The following MEMO1 variants were observed in gnomAD, a reference collection of about 807,000 sequenced individuals.
MEMO1 encodes the protein mediator of cell motility 1.
Under a neutral mutation model 45.2 loss-of-function variants are expected in MEMO1, and 6 were observed. The observed-to-expected ratio is 0.13, with a 90% CI of 0.07 to 0.26. MEMO1 has a LOEUF of 0.26. Ranked by LOEUF, MEMO1 falls within the 10% of genes least tolerant of loss-of-function variation. MEMO1 has a pLI of 1.00. For synonymous variants in MEMO1, 78 were observed against 124.3 expected, an observed-to-expected ratio of 0.63 and a Z score of 2.48; for missense variants, 184 against 370.5, an observed-to-expected ratio of 0.50 and a Z score of 4.13.
chr2:31,940,102 T>G (rs1214644936), intron 3 of MEMO1, among the ~76,000 whole-genome samples: 1 of 152,204 alleles, frequency 6.6e-6, no homozygotes, highest in Non-Finnish European at 1.5e-5. Flanking sequence ...TTGATTTTCC[T>G]CCTTCCTCAC....
chr2:32,002,182 TATATAC>T (rs1236306792), intron 2 of MEMO1, among the ~76,000 whole-genome samples: 9 of 120,282 alleles, frequency 7.5e-5, no homozygotes, highest in South Asian at 2.7e-4. Flanking sequence ...TATATATATA[TATATAC>T]ACACACACAC....
rs551602053 is a variant in MEMO1, at chr2:31,950,303, C to T, written c.62-6920G>A. On this transcript the variant is annotated intron_variant, in intron 2 of 9. Coordinates refer to ENST00000404530, the MANE Select transcript of MEMO1 (RefSeq NM_001301833.4). ...GGCTGAGGCAGGAGAATCTCTTGAA[C>T]CTGGAAGGCAGAGGTTGCAGTGAGC... Among the ~76,000 whole-genome samples, 586 of 151,930 alleles carry T rather than the reference C, an allele frequency of 3.9e-3. 2 individuals are homozygous for T. The highest frequency in any genetic ancestry group is 6.2e-3 in the South Asian group (30 of 4,818).
At chr2:31,891,345 A>G (rs72796814) in intron 7 of MEMO1, among the ~76,000 whole-genome samples, 6,820 of 152,218 alleles carry the variant, frequency 0.045, 229 homozygotes, top group Non-Finnish European at 0.07. Context: ...CGTTTACTAA[A>G]AGAGGCATCC....
At chr2:31,993,569 G>C (rs896121677) in intron 2 of MEMO1, among the ~76,000 whole-genome samples, 5 of 152,150 alleles carry the variant, frequency 3.3e-5, no homozygotes, top group African/African-American at 7.2e-5. Context: ...CTGGAGAAGA[G>C]GAAGCTAAAC....
intron 7 of MEMO1, among the ~76,000 whole-genome samples, chr2:31,884,196 A>G (rs538494976): frequency 4.8e-4 from 73 of 152,284 alleles, no homozygotes; most frequent in African/African-American, 1.7e-3. Context: ...ACAGAAAACA[A>G]AAGTCTCAGA....
At chr2:31,927,515 A>G (rs1298591402) in intron 4 of MEMO1, among the ~76,000 whole-genome samples, 2 of 152,118 alleles carry the variant, frequency 1.3e-5, no homozygotes, top group East Asian at 3.9e-4. Flanking sequence ...TACGTCAACT[A>G]AAACAAATGA....
At chr2:31,957,991 A>G (rs1667591558) in intron 2 of MEMO1, among the ~76,000 whole-genome samples, 1 of 152,228 alleles carries the variant, frequency 6.6e-6, no homozygotes, top group East Asian at 1.9e-4. Flanking sequence ...GATGCACAAA[A>G]AAGAATCCCA....
intron 2 of MEMO1, among the ~76,000 whole-genome samples, chr2:32,000,331 T>G (rs193178425): frequency 6.6e-6 from 1 of 151,742 alleles, no homozygotes; most frequent in African/African-American, 2.4e-5. Context: ...CTGGGTTCAC[T>G]CCACTCTTCT....
chr2:31,892,294 AAAGGGTAC>A (rs1170642929), intron 6 of MEMO1, among the ~76,000 whole-genome samples, 160 bp from the exon 7 acceptor site: 2 of 152,208 alleles, frequency 1.3e-5, no homozygotes, highest in Admixed American at 1.3e-4. Flanking sequence ...TTAAATGTTT[AAAGGGTAC>A]AAGGGTACGA....
At chr2:31,977,895 A>G (rs2148488299) in intron 2 of MEMO1, among the ~76,000 whole-genome samples, 1 of 152,302 alleles carries the variant, frequency 6.6e-6, no homozygotes, top group East Asian at 1.9e-4. Context: ...ATTATTTTCT[A>G]ATATTTTATA....
chr2:32,003,019 A>T (rs2148605966), intron 2 of MEMO1, among the ~76,000 whole-genome samples: 1 of 152,366 alleles, frequency 6.6e-6, no homozygotes, highest in East Asian at 1.9e-4. Flanking sequence ...ATTCACTTCG[A>T]AACTAAATTT....
In MEMO1 at chr2:31,957,775, C is replaced by G. The variant is rs372593655; in HGVS notation, c.62-14392G>C. On this transcript the variant is annotated intron_variant, in intron 2 of 9. Transcript: ENST00000404530. Reference sequence around the variant, plus strand: ...TTTATTTGTCTAGCAAGGGCTTGAGCTATTCTCCACTCTGACTTCGTCAGC... The same window carrying G: ...TTTATTTGTCTAGCAAGGGCTTGAGGTATTCTCCACTCTGACTTCGTCAGC... Among the ~76,000 whole-genome samples, 30 of 152,348 alleles carry G rather than the reference C, an allele frequency of 2.0e-4. No individual in the cohort carries two copies. The East Asian group carries it at 5.8e-3, about 29-fold the overall frequency.
chr2:31,949,694 T>C (rs1233676751), intron 2 of MEMO1, among the ~76,000 whole-genome samples: 2 of 149,494 alleles, frequency 1.3e-5, no homozygotes, highest in Non-Finnish European at 3.0e-5. Context: ...TACTGTTTGA[T>C]AGCACAATAG....
chr2:32,008,809 C>T (rs533507568), intron 2 of MEMO1, among the ~76,000 whole-genome samples: 1 of 152,132 alleles, frequency 6.6e-6, no homozygotes, highest in Non-Finnish European at 1.5e-5. Flanking sequence ...TTTGTGTCTC[C>T]CTAACACAGA....
chr2:31,942,668 C>T (rs1406701470), intron 3 of MEMO1, among the ~76,000 whole-genome samples: 2 of 152,024 alleles, frequency 1.3e-5, no homozygotes, highest in Admixed American at 6.6e-5. Context: ...GGACTACAAG[C>T]GTACCATCAC....
chr2:32,010,683 A>G (rs1350639953), intron 1 of MEMO1: 1 of 62,716 alleles, frequency 1.6e-5, no homozygotes, highest in Non-Finnish European at 3.4e-5. Flanking sequence ...CCCGCCCCCC[A>G]CCCCCCGCGG....
At chr2:31,994,332 T>A (rs1408647006) in intron 2 of MEMO1, among the ~76,000 whole-genome samples, 1 of 151,618 alleles carries the variant, frequency 6.6e-6, no homozygotes, top group Non-Finnish European at 1.5e-5. Context: ...TGGCATCCAA[T>A]AAAAATTAAT....
At chr2:32,002,662 C>T (rs913111107) in intron 2 of MEMO1, among the ~76,000 whole-genome samples, 9 of 152,042 alleles carry the variant, frequency 5.9e-5, no homozygotes, top group Non-Finnish European at 1.0e-4. Flanking sequence ...GAGATAATAC[C>T]TACCTTGGAG....
At chr2:31,897,178 T>C (rs1220363385) in intron 6 of MEMO1, among the ~76,000 whole-genome samples, 2 of 151,970 alleles carry the variant, frequency 1.3e-5, no homozygotes, top group Non-Finnish European at 2.9e-5. Flanking sequence ...CAGAGACAAT[T>C]TGACTTCCTC....
Sources: allele counts gnomAD v4.1 joint callset (sites outside exome capture counted in the v4.1 genomes callset), GRCh38; gene constraint gnomAD v4.1.1; transcripts MANE v1.5; gene names NCBI Gene and HGNC (gene_info 2026-07-23, HGNC 2026-07-21).